The following PHTF2 variants were observed in gnomAD, a reference collection of about 807,000 sequenced individuals.
The protein encoded by PHTF2 is protein PHTF2.
A neutral mutation model predicts 101.2 loss-of-function variants in PHTF2; 60 were observed. That is an observed-to-expected ratio of 0.59 (90% CI 0.48 to 0.73). The LOEUF (loss-of-function observed/expected upper bound fraction) is 0.73, where lower values mean the gene tolerates loss of function less well. PHTF2 is among the 30% of genes least tolerant of loss of function. The pLI is 0.00. For missense variants in PHTF2, 747 were observed against 908.7 expected (o/e 0.82, Z 2.29); for synonymous variants, 311 against 307.3 (o/e 1.01, Z -0.13).
intron 3 of PHTF2, among the ~76,000 whole-genome samples, chr7:77,876,083 G>A (rs1308681750): frequency 6.6e-6 from 1 of 152,184 alleles, no homozygotes; most frequent in Non-Finnish European, 1.5e-5. Flanking sequence ...CTGGGCCATA[G>A]TATCTGCACT....
exon 19 of PHTF2, chr7:77,953,875 T>C (rs1806757978): frequency 6.2e-7 from 1 of 1,613,350 alleles, no homozygotes; most frequent in Non-Finnish European, 8.5e-7. Context: ...ATCAGTGACT[T>C]GCTTGGATTT....
At chr7:77,956,372 A>T (rs1257733870) in exon 20 of PHTF2, 1 of 152,592 alleles carries the variant, frequency 6.6e-6, no homozygotes, top group African/African-American at 2.4e-5. Flanking sequence ...GCCATGTCAT[A>T]TCACTTTGCT....
chr7:77,805,663 G>C (rs1035460992), intron 1 of PHTF2, among the ~76,000 whole-genome samples: 5 of 152,086 alleles, frequency 3.3e-5, no homozygotes, highest in African/African-American at 1.2e-4. Context: ...GACTCCACTG[G>C]TTATTTAGAA....
At chr7:77,883,457 GTAACT>G (rs1469179791) in intron 3 of PHTF2, among the ~76,000 whole-genome samples, 2 of 151,988 alleles carry the variant, frequency 1.3e-5, no homozygotes, top group African/African-American at 4.8e-5. Flanking sequence ...ATTTTGTTCA[GTAACT>G]TAACTTTGTT....
rs1208663929 is a variant in PHTF2, at chr7:77,802,805, A to G, written c.-36+3834A>G. On this transcript the variant is annotated intron_variant, in intron 1 of 19. Coordinates refer to ENST00000416283, the Ensembl canonical transcript of PHTF2. ...CTTGGCCTACCAAAGTCCTGGGATT[A>G]CAGATATAAGCCACCACTCCTGGCC... Among the ~76,000 whole-genome samples, 3 of 152,242 alleles carry G rather than the reference A, an allele frequency of 2.0e-5. No individual in the cohort carries two copies. The East Asian group carries it at 5.8e-4, about 29-fold the overall frequency.
intron 3 of PHTF2, among the ~76,000 whole-genome samples, chr7:77,862,717 A>T (rs534880192): frequency 6.6e-6 from 1 of 152,320 alleles, no homozygotes; most frequent in East Asian, 1.9e-4. Context: ...TAAAACAGAG[A>T]TGTTCATCAA....
intron 18 of PHTF2, among the ~76,000 whole-genome samples, chr7:77,952,893 A>G (rs1806675600): frequency 6.6e-6 from 1 of 151,574 alleles, no homozygotes; most frequent in South Asian, 2.1e-4. Flanking sequence ...ATATCTTCCA[A>G]TTCATCCTCT....
intron 1 of PHTF2, among the ~76,000 whole-genome samples, chr7:77,806,053 T>C (rs1433701109): frequency 2.6e-5 from 4 of 152,112 alleles, no homozygotes; most frequent in Admixed American, 6.5e-5. Context: ...TGCGTGCCTG[T>C]AGTCCTAGCT....
chr7:77,925,460 T>A (rs1433029491), intron 11 of PHTF2, among the ~76,000 whole-genome samples: 1 of 151,412 alleles, frequency 6.6e-6, no homozygotes, highest in Non-Finnish European at 1.5e-5. Context: ...AAATTCTATT[T>A]GAAATTTAGG....
intron 3 of PHTF2, among the ~76,000 whole-genome samples, chr7:77,858,583 GT>G (rs536302640): frequency 1.3e-5 from 2 of 150,792 alleles, no homozygotes; most frequent in Admixed American, 1.3e-4. Flanking sequence ...AATTTGAGAG[GT>G]TTTTTTTGTT....
intron 3 of PHTF2, among the ~76,000 whole-genome samples, chr7:77,885,113 G>A (rs1253931335): frequency 1.3e-5 from 2 of 151,906 alleles, no homozygotes; most frequent in Non-Finnish European, 2.9e-5. Flanking sequence ...AGGTTATCTC[G>A]AGATTTTGTT....
At chr7:77,937,886 A>ATTATC in intron 13 of PHTF2, 48 bp downstream of exon 12, 2 of 981,076 alleles carry the variant, frequency 2.0e-6, no homozygotes, top group Non-Finnish European at 2.9e-6. Context: ...AGACTTAGTA[A>ATTATC]TTATATATAA....
chr7:77,930,425 A>G lies in PHTF2; in HGVS notation c.1338+1098A>G, dbSNP rs1161524539. ...TCCATTCAAAATTTTGGTGAATGACATCTCCATTCATCTACTCACTAGTCC... is the reference window on the plus strand; with the variant it reads ...TCCATTCAAAATTTTGGTGAATGACGTCTCCATTCATCTACTCACTAGTCC... On this transcript the variant is annotated intron_variant, in intron 12 of 19. Transcript: ENST00000416283. Among the ~76,000 whole-genome samples, 4 of 151,962 alleles carry G rather than the reference A, an allele frequency of 2.6e-5. No individual in the cohort carries two copies. In the South Asian group the frequency reaches 6.2e-4, roughly 24 times the overall value.
intron 3 of PHTF2, among the ~76,000 whole-genome samples, chr7:77,878,358 C>G (rs1409376149): frequency 1.3e-5 from 2 of 151,974 alleles, no homozygotes; most frequent in African/African-American, 4.8e-5. Context: ...TTTTATGGGT[C>G]TGGGTGGCGC....
exon 19 of PHTF2, chr7:77,953,813 G>T (rs767459589): frequency 6.2e-7 from 1 of 1,612,418 alleles, no homozygotes; most frequent in African/African-American, 1.3e-5. Flanking sequence ...CAATGAATCC[G>T]CTGCTTTATA....
At chr7:77,836,136 AAAG>A (rs1458259885) in intron 1 of PHTF2, among the ~76,000 whole-genome samples, 9 of 151,678 alleles carry the variant, frequency 5.9e-5, no homozygotes, top group South Asian at 2.1e-4. Flanking sequence ...AAAAAAAAAA[AAAG>A]AAGAGGAAGA....
rs1321027794 is a variant in PHTF2 at position 77,907,160 on chromosome 7, A to G, written c.446-1633A>G. ...TCACATTAGAATTCATATTAAAAAC[A>G]AAAAAGACTCTCTGCTTTTCAAAAT... On this transcript the variant is annotated intron_variant, in intron 7 of 19. Transcript: ENST00000416283. Among the ~76,000 whole-genome samples, 3 of 152,176 alleles carry G rather than the reference A, an allele frequency of 2.0e-5. No individual in the cohort carries two copies. In the East Asian group the frequency reaches 5.8e-4, roughly 29 times the overall value.
At chr7:77,812,938 T>C (rs1361288415) in intron 1 of PHTF2, among the ~76,000 whole-genome samples, 1 of 152,196 alleles carries the variant, frequency 6.6e-6, no homozygotes, top group African/African-American at 2.4e-5. Flanking sequence ...CAGAGTAACG[T>C]GTTAAAAGGC....
At chr7:77,890,193 C>T (rs1800262360) in intron 3 of PHTF2, among the ~76,000 whole-genome samples, 1 of 152,058 alleles carries the variant, frequency 6.6e-6, no homozygotes, top group Non-Finnish European at 1.5e-5. Context: ...CTGCTATTTA[C>T]AGTGAAATAT....
Sources: allele counts gnomAD v4.1 joint callset (sites outside exome capture counted in the v4.1 genomes callset), GRCh38; gene constraint gnomAD v4.1.1; transcripts MANE v1.5; gene names NCBI Gene and HGNC (gene_info 2026-07-23, HGNC 2026-07-21).